The following ADAMTSL1 variants were observed in gnomAD, a reference collection of about 807,000 sequenced individuals.
ADAMTSL1 encodes the protein ADAMTS like 1.
Under a neutral mutation model 201.8 loss-of-function variants are expected in ADAMTSL1, and 126 were observed. That is an observed-to-expected ratio of 0.62 (90% CI 0.54 to 0.72). The LOEUF is 0.72. ADAMTSL1 is among the 30% of genes least tolerant of loss of function. The pLI is 0.00. For missense variants in ADAMTSL1, 2,679 were observed against 2,277.8 expected (o/e 1.18, Z -3.59); for synonymous variants, 1,121 against 903.4 (o/e 1.24, Z -4.32).
At chr9:18,587,387 A>G (rs1823577216) in intron 4 of ADAMTSL1, among the ~76,000 whole-genome samples, 1 of 152,204 alleles carries the variant, frequency 6.6e-6, no homozygotes, top group Non-Finnish European at 1.5e-5. Flanking sequence ...AGAAATACAA[A>G]TCAAAACCAC....
intron 23 of ADAMTSL1, among the ~76,000 whole-genome samples, chr9:18,870,186 C>G (rs995365433): frequency 1.3e-5 from 2 of 152,132 alleles, no homozygotes; most frequent in Admixed American, 6.5e-5. Flanking sequence ...AGTCAGTGTC[C>G]ACTCACTGCA....
intron 20 of ADAMTSL1, among the ~76,000 whole-genome samples, chr9:18,812,319 A>G (rs912877554): frequency 6.6e-6 from 1 of 152,218 alleles, no homozygotes; most frequent in Non-Finnish European, 1.5e-5. Context: ...AAGCAATTCA[A>G]TGTAGGAAAT....
intron 2 of ADAMTSL1, among the ~76,000 whole-genome samples, chr9:18,384,948 A>G (rs1251568377): frequency 6.6e-6 from 1 of 152,152 alleles, no homozygotes; most frequent in Non-Finnish European, 1.5e-5. Context: ...TACAGCTTCT[A>G]AATCTACACT....
intron 2 of ADAMTSL1, among the ~76,000 whole-genome samples, chr9:18,345,802 T>C (rs551316305): frequency 5.3e-5 from 8 of 152,154 alleles, no homozygotes; most frequent in African/African-American, 1.9e-4. Flanking sequence ...TCACATGCCA[T>C]TGGCACAACA....
chr9:18,721,003 A>C (rs933805435), intron 14 of ADAMTSL1, among the ~76,000 whole-genome samples: 1 of 152,186 alleles, frequency 6.6e-6, no homozygotes, highest in African/African-American at 2.4e-5. Context: ...CCTAGGTCAC[A>C]AAAGAAATGA....
intron 1 of ADAMTSL1, among the ~76,000 whole-genome samples, chr9:18,041,050 G>C (rs1821407528): frequency 6.6e-6 from 1 of 152,184 alleles, no homozygotes; most frequent in Admixed American, 6.5e-5. Context: ...GGGGGCAATA[G>C]TGATCTCAGT....
intron 1 of ADAMTSL1, among the ~76,000 whole-genome samples, chr9:18,104,666 A>G (rs577088360): frequency 6.6e-6 from 1 of 152,344 alleles, no homozygotes; most frequent in African/African-American, 2.4e-5. Flanking sequence ...TGATGGGCGC[A>G]CTAAAAGCCC....
intron 2 of ADAMTSL1, among the ~76,000 whole-genome samples, chr9:18,518,543 C>T (rs142716600): frequency 6.6e-6 from 1 of 152,258 alleles, no homozygotes; most frequent in Non-Finnish European, 1.5e-5. Context: ...TTTATCTAGT[C>T]ATCCATTGAT....
intron 26 of ADAMTSL1, chr9:18,905,527 G>C (rs13285304): frequency 2.1e-6 from 1 of 481,448 alleles, no homozygotes; most frequent in Non-Finnish European, 3.8e-6. Context: ...GGAGCTTGAC[G>C]TTCTCTTACT....
At chr9:18,327,348 C>T (rs76624530) in intron 2 of ADAMTSL1, among the ~76,000 whole-genome samples, 4,488 of 152,324 alleles carry the variant, frequency 0.029, 104 homozygotes, top group African/African-American at 0.066. Context: ...TGAGGAGACG[C>T]GTTAATGATC....
At chr9:18,514,319 T>TTTTCTTTC (rs202026152) in intron 2 of ADAMTSL1, among the ~76,000 whole-genome samples, 6 of 143,582 alleles carry the variant, frequency 4.2e-5, no homozygotes, top group Non-Finnish European at 9.1e-5. Flanking sequence ...TGCAACTGAT[T>TTTTCTTTC]TTTCTTTCTT....
intron 4 of ADAMTSL1, among the ~76,000 whole-genome samples, chr9:18,598,881 C>G (rs532527514): frequency 1.3e-5 from 2 of 151,932 alleles, no homozygotes; most frequent in Non-Finnish European, 2.9e-5. Flanking sequence ...ACGGGGTGGG[C>G]TGGGGAGGAA....
At chr9:18,349,276 C>G (rs757396799) in intron 2 of ADAMTSL1, among the ~76,000 whole-genome samples, 1 of 152,152 alleles carries the variant, frequency 6.6e-6, no homozygotes, top group Non-Finnish European at 1.5e-5. Context: ...GGGCATGTTG[C>G]AAAGAACAGT....
intron 2 of ADAMTSL1, among the ~76,000 whole-genome samples, chr9:18,512,698 A>G (rs552824858): frequency 5.3e-5 from 8 of 152,184 alleles, no homozygotes; most frequent in African/African-American, 1.9e-4. Flanking sequence ...CCAGTTCTAT[A>G]AATAATACAT....
intron 2 of ADAMTSL1, among the ~76,000 whole-genome samples, chr9:18,379,007 T>C (rs2133169844): frequency 6.6e-6 from 1 of 152,302 alleles, no homozygotes; most frequent in Admixed American, 6.5e-5. Flanking sequence ...GTAAGTAGAA[T>C]ATCAGATACT....
Position 18,338,178 on chromosome 9 carries a change from T to G in ADAMTSL1, c.208-166651T>G, listed in dbSNP as rs184598670. ...GCTCTTCCTGGGTTCCATAGTGAAC[T>G]GTTTTTTAAATGATGTCTTCAAGCC... On this transcript the variant is annotated intron_variant, in intron 2 of 29. Transcript: ENST00000680146. Among the ~76,000 whole-genome samples, 4 of 152,262 alleles carry G rather than the reference T, an allele frequency of 2.6e-5. No individual in the cohort carries two copies. In the South Asian group the frequency reaches 8.3e-4, roughly 32 times the overall value.
chr9:18,840,581 T>C (rs1588207849), intron 23 of ADAMTSL1, among the ~76,000 whole-genome samples: 1 of 152,226 alleles, frequency 6.6e-6, no homozygotes, highest in East Asian at 1.9e-4. Flanking sequence ...AGAAAGTCAT[T>C]GGTAGCTTGA....
At chr9:18,649,301 C>G (rs190329736) in intron 7 of ADAMTSL1, among the ~76,000 whole-genome samples, 37 of 151,892 alleles carry the variant, frequency 2.4e-4, no homozygotes, top group Admixed American at 1.2e-3. Context: ...AAATTTTTTT[C>G]AAAGTTTTCA....
chr9:18,723,630 G>A (rs522039), intron 15 of ADAMTSL1: 46,656 of 154,690 alleles, frequency 0.3, 7,316 homozygotes, highest in Middle Eastern at 0.36. Flanking sequence ...CCACCAGCCA[G>A]CTGTCAAGCC....
Sources: allele counts gnomAD v4.1 joint callset (sites outside exome capture counted in the v4.1 genomes callset), GRCh38; gene constraint gnomAD v4.1.1; transcripts MANE v1.5; gene names NCBI Gene and HGNC (gene_info 2026-07-23, HGNC 2026-07-21).